Variants in LPP observed in about 807,000 individuals in gnomAD.
LPP encodes lipoma-preferred partner.
Under a neutral mutation model 60.4 loss-of-function variants are expected in LPP, and 38 were observed. The observed-to-expected ratio is 0.63, with a 90% CI of 0.49 to 0.83. The LOEUF is 0.83. LPP is among the 40% of genes least tolerant of loss of function. The pLI is 0.00. For synonymous variants in LPP, 328 were observed against 290.8 expected, an observed-to-expected ratio of 1.13 and a Z score of -1.30; for missense variants, 902 against 783.6, an observed-to-expected ratio of 1.15 and a Z score of -1.80.
intron 4 of LPP, among the ~76,000 whole-genome samples, chr3:188,458,970 A>C (rs574186305): frequency 4.6e-5 from 7 of 151,454 alleles, no homozygotes; most frequent in Admixed American, 4.6e-4. Context: ...GTTTGGAGAG[A>C]CCCCAGGTTG....
chr3:188,524,931 C>T (rs1377035082), intron 6 of LPP, 144 bp downstream of exon 6: 3 of 596,452 alleles, frequency 5.0e-6, no homozygotes, highest in South Asian at 3.0e-5. Context: ...TTCCTTCCTT[C>T]CTTCCTTCCT....
At chr3:188,239,506 ACTATCGCTATT>A (rs1311647278) in intron 2 of LPP, among the ~76,000 whole-genome samples, 1 of 152,052 alleles carries the variant, frequency 6.6e-6, no homozygotes, top group Non-Finnish European at 1.5e-5. Flanking sequence ...ACCTTTTCTT[ACTATCGCTATT>A]GGTTTTAACA....
intron 7 of LPP, among the ~76,000 whole-genome samples, chr3:188,644,330 C>T (rs1284080083): frequency 1.3e-5 from 2 of 152,062 alleles, no homozygotes; most frequent in Non-Finnish European, 2.9e-5. Context: ...AGTAAACAAA[C>T]GTTTGGTAGG....
chr3:188,874,847 G>T lies in LPP; in HGVS notation c.*368G>T. 4.1e-6 allele frequency: 1 copy of T among 245,106 alleles called. No homozygotes were observed. Among genetic ancestry groups the T allele is most frequent in the East Asian group, 5.8e-5 (1 of 17,138 alleles). 15.2% of individuals were successfully genotyped at this position (245,106 alleles called of 1,614,324 possible). ...TGCTGTCACATAGTTTTTCCTGGGT[G>T]AGTCTGCCAACTCACAGGTGCTTTT... On this transcript the variant is annotated 3_prime_UTR_variant, in exon 12 of 12. Transcript: ENST00000617246.
intron 6 of LPP, among the ~76,000 whole-genome samples, chr3:188,528,839 G>T (rs78218689): frequency 8.4e-4 from 128 of 152,266 alleles, no homozygotes; most frequent in African/African-American, 3.0e-3. Flanking sequence ...TTTTTGTAAT[G>T]ATTTTACCAT....
rs191358729 is a variant in LPP at position 188,230,242 on chromosome 3, C to T, written c.-67+4715C>T. Among the ~76,000 whole-genome samples the T allele has an allele frequency of 4.6e-3, 701 of 152,074 alleles. 7 individuals carry two copies. Among genetic ancestry groups the T allele is most frequent in the Admixed American group, 0.011 (166 of 15,262 alleles). ...CTGGGACTACAGGTGCGTGCCGCCA[C>T]GCCCAGCTAATTTTTGTATTTTTAG... On this transcript the variant is annotated intron_variant, in intron 2 of 11. Transcript: ENST00000617246.
intron 8 of LPP, among the ~76,000 whole-genome samples, chr3:188,751,960 C>T (rs959222970): frequency 3.9e-5 from 6 of 152,140 alleles, no homozygotes; most frequent in African/African-American, 1.4e-4. Flanking sequence ...TAACCAACTG[C>T]CTCAGAGACA....
At chr3:188,337,228 G>A (rs1407661494) in intron 2 of LPP, among the ~76,000 whole-genome samples, 1 of 152,180 alleles carries the variant, frequency 6.6e-6, no homozygotes, top group Non-Finnish European at 1.5e-5. Flanking sequence ...CACTCCCAGA[G>A]CAAGAGACAC....
At chr3:188,395,737 C>A (rs1780786423) in intron 3 of LPP, among the ~76,000 whole-genome samples, 1 of 149,984 alleles carries the variant, frequency 6.7e-6, no homozygotes, top group Non-Finnish European at 1.5e-5. Context: ...ACTAGTGAGA[C>A]CCTGTCTTTA....
At chr3:188,248,275 T>C (rs1316491563) in intron 2 of LPP, among the ~76,000 whole-genome samples, 2 of 151,792 alleles carry the variant, frequency 1.3e-5, no homozygotes, top group African/African-American at 4.9e-5. Flanking sequence ...AGCGTTTTTT[T>C]GCATTGGGAC....
chr3:188,741,478 CT>C (rs1329605197), intron 8 of LPP, among the ~76,000 whole-genome samples: 4 of 151,856 alleles, frequency 2.6e-5, no homozygotes, highest in Non-Finnish European at 5.9e-5. Context: ...ATAAAGGATT[CT>C]GTTGTACATG....
intron 1 of LPP, among the ~76,000 whole-genome samples, chr3:188,190,992 G>A (rs1000836376): frequency 1.3e-5 from 2 of 152,238 alleles, no homozygotes; most frequent in Non-Finnish European, 2.9e-5. Flanking sequence ...AGCACTTTGG[G>A]GGGCCGAGGC....
At chr3:188,665,015 T>A (rs1855460643) in intron 7 of LPP, among the ~76,000 whole-genome samples, 1 of 152,160 alleles carries the variant, frequency 6.6e-6, no homozygotes, top group African/African-American at 2.4e-5. Context: ...TCTAGAGGGA[T>A]CCATTTCTTC....
intron 2 of LPP, among the ~76,000 whole-genome samples, chr3:188,233,948 C>A (rs148160253): frequency 6.6e-6 from 1 of 152,038 alleles, no homozygotes; most frequent in Non-Finnish European, 1.5e-5. Flanking sequence ...TCTGCTTATG[C>A]TGTTTCTTCT....
chr3:188,399,256 G>C (rs1008538790), intron 3 of LPP, among the ~76,000 whole-genome samples: 2 of 152,132 alleles, frequency 1.3e-5, no homozygotes, highest in Non-Finnish European at 2.9e-5. Flanking sequence ...ATAATGGAGA[G>C]CCGTATAGCC....
chr3:188,537,307 T>C (rs931844936), intron 6 of LPP, among the ~76,000 whole-genome samples: 1 of 151,848 alleles, frequency 6.6e-6, no homozygotes, highest in Non-Finnish European at 1.5e-5. Flanking sequence ...GGCCATTGCC[T>C]TTCTAGCATT....
In LPP at chr3:188,889,456, C is replaced by T. The variant is rs1336348282; in HGVS notation, c.*14977C>T. 6 of 231,336 alleles carry T rather than the reference C, an allele frequency of 2.6e-5. No homozygotes were observed. Among genetic ancestry groups the T allele is most frequent in the Non-Finnish European group, 5.1e-5 (6 of 116,872 alleles). 14.3% of individuals were successfully genotyped at this position (231,336 alleles called of 1,614,324 possible). On this transcript the variant is annotated 3_prime_UTR_variant, in exon 12 of 12. Transcript: ENST00000617246. ...AGCTGGCAGATTACACTTGCCAAGT[C>T]GTTCCCTTTCCTTCTAAGTCAGTTG... is the stretch of plus-strand genomic sequence containing the variant.
chr3:188,227,617 G>A (rs1248441168), intron 2 of LPP, among the ~76,000 whole-genome samples: 2 of 152,110 alleles, frequency 1.3e-5, no homozygotes, highest in African/African-American at 4.8e-5. Context: ...CAGAGGTCAT[G>A]TGAGCCTCAG....
At chr3:188,585,138 A>C (rs541552434) in intron 6 of LPP, among the ~76,000 whole-genome samples, 1 of 152,336 alleles carries the variant, frequency 6.6e-6, no homozygotes, top group South Asian at 2.1e-4. Flanking sequence ...GGCATAATCT[A>C]ACTTTAATAT....
Sources: gnomAD v4.1 joint callset for allele counts (sites outside exome capture counted in the v4.1 genomes callset) on GRCh38, gnomAD v4.1.1 for gene constraint, MANE v1.5 for transcripts, NCBI Gene and HGNC (gene_info 2026-07-23, HGNC 2026-07-21) for gene names.